BBOX1: variants seen among roughly 807,000 people sequenced by gnomAD.
BBOX1 encodes the protein gamma-butyrobetaine hydroxylase 1.
A neutral mutation model predicts 41.6 loss-of-function variants in BBOX1; 35 were observed. That is an observed-to-expected ratio of 0.84 (90% CI 0.64 to 1.11). BBOX1 has a LOEUF of 1.11. BBOX1 is among the 50% of genes most tolerant of loss of function. BBOX1 has a pLI of 0.00. For missense variants in BBOX1, 458 were observed against 460.6 expected (o/e 0.99, Z 0.05); for synonymous variants, 163 against 154.7 (o/e 1.05, Z -0.40).
chr11:27,104,374 C>T (rs947455422), intron 5 of BBOX1, among the ~76,000 whole-genome samples: 4 of 152,152 alleles, frequency 2.6e-5, no homozygotes, highest in African/African-American at 9.7e-5. Context: ...AGGTTTGTCT[C>T]TATCCCCTCC....
chr11:27,068,021 A>G (rs1274151822), intron 4 of BBOX1, among the ~76,000 whole-genome samples: 1 of 151,646 alleles, frequency 6.6e-6, no homozygotes. Context: ...TGCAATTGTG[A>G]ATTGTGCTGT....
intron 2 of BBOX1, among the ~76,000 whole-genome samples, chr11:27,049,571 C>T (rs7107938): frequency 0.53 from 79,864 of 151,696 alleles, 21,370 homozygotes; most frequent in African/African-American, 0.63. Flanking sequence ...AATTGAGTAG[C>T]TTGTTTTATT....
chr11:27,105,705 G>A (rs1420810249), intron 5 of BBOX1, among the ~76,000 whole-genome samples: 1 of 152,090 alleles, frequency 6.6e-6, no homozygotes, highest in African/African-American at 2.4e-5. Context: ...AATCTAGCAA[G>A]GCAGGCCAAC....
rs187009837 is a variant in BBOX1 at position 27,087,182 on chromosome 11, A to G, written c.335-5986A>G. 1.8e-3 allele frequency among the ~76,000 whole-genome samples: 268 copies of G among 152,226 alleles called. 3 individuals are homozygous for G. The highest frequency in any genetic ancestry group is 6.2e-3 in the African/African-American group (256 of 41,570). ...GTAGTGGCAGAGACTGAGAAGATTT[A>G]CCCAAATTTTGAAAGAAGTTCCACT... On this transcript the variant is annotated intron_variant, in intron 4 of 8. Transcript: ENST00000263182.
At chr11:27,050,838 G>A (rs949163665) in intron 2 of BBOX1, among the ~76,000 whole-genome samples, 1 of 151,942 alleles carries the variant, frequency 6.6e-6, no homozygotes, top group East Asian at 1.9e-4. Context: ...TCATCTTCTT[G>A]CCTAATTGTT....
chr11:27,064,039 A>G (rs1246664483), intron 4 of BBOX1, among the ~76,000 whole-genome samples: 1 of 152,216 alleles, frequency 6.6e-6, no homozygotes, highest in African/African-American at 2.4e-5. Context: ...CAAAAGAAAT[A>G]TGCCTCGCCC....
intron 4 of BBOX1, among the ~76,000 whole-genome samples, chr11:27,072,284 AAGAG>A (rs1857478172): frequency 6.6e-6 from 1 of 152,178 alleles, no homozygotes; most frequent in African/African-American, 2.4e-5. Flanking sequence ...ATAACAGACA[AAGAG>A]AGAGCCAAAT....
intron 5 of BBOX1, among the ~76,000 whole-genome samples, chr11:27,102,831 T>C (rs1284578318): frequency 1.3e-5 from 2 of 152,152 alleles, no homozygotes; most frequent in South Asian, 2.1e-4. Flanking sequence ...ATATAAATTA[T>C]TGGGTCACAG....
In BBOX1 at chr11:27,101,106, C is replaced by G; in HGVS notation, c.533+7740C>G. ...ACCCAGGTTTGCTTGACTCAACAGC[C>G]TGCAGTCTTTCCTTTATACCATGCT... On this transcript the variant is annotated intron_variant, in intron 5 of 8. Transcript: ENST00000263182. Among the ~76,000 whole-genome samples, 2 of 152,092 alleles carry G rather than the reference C, an allele frequency of 1.3e-5. 1 individual carries two copies. The highest frequency in any genetic ancestry group is 2.9e-5 in the Non-Finnish European group (2 of 68,026).
At chr11:27,066,213 GT>G (rs1247508330) in intron 4 of BBOX1, among the ~76,000 whole-genome samples, 1 of 151,974 alleles carries the variant, frequency 6.6e-6, no homozygotes, top group Admixed American at 6.6e-5. Flanking sequence ...TGTGTGTGTG[GT>G]TTTTTGGTTT....
chr11:27,118,004 A>G (rs60028895), intron 6 of BBOX1, among the ~76,000 whole-genome samples: 23,968 of 151,892 alleles, frequency 0.16, 2,222 homozygotes, highest in Middle Eastern at 0.24. Context: ...ATTTCTAACT[A>G]TTATAATTTA....
chr11:27,101,835 A>G (rs775317227), intron 5 of BBOX1, among the ~76,000 whole-genome samples: 1 of 152,114 alleles, frequency 6.6e-6, no homozygotes, highest in Non-Finnish European at 1.5e-5. Flanking sequence ...AGTTATCTTT[A>G]TATTTTGTGG....
At chr11:27,091,468 A>C (rs60777482) in intron 4 of BBOX1, among the ~76,000 whole-genome samples, 10,669 of 151,894 alleles carry the variant, frequency 0.07, 1,258 homozygotes, top group African/African-American at 0.24. Flanking sequence ...CTCCCCCAAA[A>C]TGTATAATCA....
intron 3 of BBOX1, 126 bp downstream of exon 3, chr11:27,055,775 A>G (rs1212832850): frequency 9.0e-6 from 7 of 777,302 alleles, no homozygotes; most frequent in Non-Finnish European, 1.2e-5. Flanking sequence ...CCACGTTTGT[A>G]TAGTACTTGG....
chr11:27,099,792 G>GT (rs762817490), intron 5 of BBOX1, among the ~76,000 whole-genome samples: 1 of 152,218 alleles, frequency 6.6e-6, no homozygotes, highest in Non-Finnish European at 1.5e-5. Context: ...CTGCAGGGGT[G>GT]TTTTAATACC....
chr11:27,112,171 T>C (rs750503847), intron 5 of BBOX1, among the ~76,000 whole-genome samples: 5 of 151,972 alleles, frequency 3.3e-5, no homozygotes, highest in Non-Finnish European at 5.9e-5. Context: ...TCAACAATTG[T>C]AAGGAGCACA....
intron 4 of BBOX1, among the ~76,000 whole-genome samples, chr11:27,090,605 G>A (rs548612936): frequency 5.9e-5 from 9 of 151,946 alleles, no homozygotes; most frequent in East Asian, 1.9e-4. Flanking sequence ...TATTTTCAGC[G>A]GTGCACGTAT....
chr11:27,127,376 G>GA lies in BBOX1; in HGVS notation c.1089dup (p.Gly364ArgfsTer5). 1 of 1,614,180 alleles carries GA rather than the reference G, an allele frequency of 6.2e-7. No individual in the cohort carries two copies. Among genetic ancestry groups the GA allele is most frequent in the East Asian group, 2.2e-5 (1 of 44,882 alleles). ...AGGAACTGAGATATCCCGCCATCTA[G>GA]AAGGAGCTTATGCTGACTGGGATGT... On this transcript the variant is annotated frameshift_variant, in exon 9 of 9. Coordinates refer to ENST00000263182, the MANE Select transcript of BBOX1 (RefSeq NM_003986.3). LOFTEE classifies it high-confidence loss of function.
At chr11:27,055,750 T>C in intron 3 of BBOX1, 101 bp downstream of exon 3, 3 of 1,112,268 alleles carry the variant, frequency 2.7e-6, no homozygotes, top group Non-Finnish European at 3.8e-6. Context: ...CACGCATATA[T>C]AACCGCATAT....
Sources: gnomAD v4.1 joint callset for allele counts (sites outside exome capture counted in the v4.1 genomes callset) on GRCh38, gnomAD v4.1.1 for gene constraint, MANE v1.5 for transcripts, NCBI Gene and HGNC (gene_info 2026-07-23, HGNC 2026-07-21) for gene names.